The following PIBF1 variants were observed in gnomAD, a reference collection of about 807,000 sequenced individuals.
The protein encoded by PIBF1 is progesterone-induced-blocking factor 1.
PIBF1 carries 90 observed loss-of-function variants against 112.5 expected under a neutral mutation model. The ratio of observed to expected loss-of-function variants is 0.80; its 90% CI spans 0.67 to 0.95. The LOEUF (loss-of-function observed/expected upper bound fraction) is 0.95. Ranked by LOEUF, PIBF1 falls within the 40% of genes least tolerant of loss-of-function variation. PIBF1 has a pLI of 0.00. For missense variants in PIBF1, 915 were observed against 852.3 expected, an observed-to-expected ratio of 1.07 and a Z score of -0.92; for synonymous variants, 301 against 288.6, an observed-to-expected ratio of 1.04 and a Z score of -0.44.
intron 14 of PIBF1, among the ~76,000 whole-genome samples, chr13:72,949,548 C>G (rs1229419629): frequency 3.3e-5 from 5 of 152,080 alleles, no homozygotes; most frequent in Non-Finnish European, 5.9e-5. Flanking sequence ...AACTCCTGAC[C>G]TCAGGTGATC....
chr13:73,000,318 T>A (rs897972450), intron 17 of PIBF1, among the ~76,000 whole-genome samples: 11 of 152,216 alleles, frequency 7.2e-5, no homozygotes, highest in Admixed American at 2.0e-4. Flanking sequence ...TCTACTCTCT[T>A]ATAATGTAGT....
At chr13:72,842,715 A>G (rs894039801) in intron 9 of PIBF1, among the ~76,000 whole-genome samples, 1 of 152,224 alleles carries the variant, frequency 6.6e-6, no homozygotes, top group African/African-American at 2.4e-5. Flanking sequence ...TCTTTTGTTC[A>G]TATCTTACCA....
chr13:73,006,684 G>A (rs897795820), intron 17 of PIBF1, among the ~76,000 whole-genome samples: 7 of 151,968 alleles, frequency 4.6e-5, no homozygotes, highest in African/African-American at 1.5e-4. Flanking sequence ...GGAGTAATCT[G>A]CCAGGCTTAC....
chr13:72,976,574 T>C (rs531738620), intron 16 of PIBF1, among the ~76,000 whole-genome samples: 3 of 152,350 alleles, frequency 2.0e-5, no homozygotes, highest in Admixed American at 1.3e-4. Flanking sequence ...AAAAGCAACT[T>C]TTTTTGTTTT....
At chr13:72,933,279 A>C (rs1380140975) in intron 14 of PIBF1, among the ~76,000 whole-genome samples, 1 of 152,194 alleles carries the variant, frequency 6.6e-6, no homozygotes, top group Non-Finnish European at 1.5e-5. Context: ...GCTCATGCCT[A>C]TTATCCCAGC....
chr13:72,866,024 G>C (rs1459011016), intron 10 of PIBF1, among the ~76,000 whole-genome samples: 1 of 152,180 alleles, frequency 6.6e-6, no homozygotes, highest in East Asian at 1.9e-4. Context: ...TAAGGCTCTA[G>C]GGGTAATCCT....
At chr13:73,005,673 C>T (rs2044011621) in intron 17 of PIBF1, among the ~76,000 whole-genome samples, 1 of 152,010 alleles carries the variant, frequency 6.6e-6, no homozygotes, top group African/African-American at 2.4e-5. Context: ...TGTGTTTAGA[C>T]AAGTGACAAG....
At chr13:73,005,907 G>A (rs1292176327) in intron 17 of PIBF1, among the ~76,000 whole-genome samples, 1 of 146,638 alleles carries the variant, frequency 6.8e-6, no homozygotes, top group African/African-American at 2.5e-5. Flanking sequence ...GTGTTTAGAA[G>A]TTCTGGTTTC....
At chr13:72,897,054 A>G (rs1370133502) in intron 11 of PIBF1, among the ~76,000 whole-genome samples, 2 of 152,208 alleles carry the variant, frequency 1.3e-5, no homozygotes, top group African/African-American at 4.8e-5. Context: ...AGACAGAAGC[A>G]CCAGGTTTTC....
chr13:72,844,758 C>CACGGATGAAGTCTTACTGTTT (rs1259904141), intron 9 of PIBF1, among the ~76,000 whole-genome samples: 41 of 125,788 alleles, frequency 3.3e-4, no homozygotes, highest in South Asian at 1.1e-3. Flanking sequence ...CACACACACA[C>CACGGATGAAGTCTTACTGTTT]ACACACACAC....
At chr13:72,933,861 C>T (rs2041785183) in intron 14 of PIBF1, among the ~76,000 whole-genome samples, 1 of 152,082 alleles carries the variant, frequency 6.6e-6, no homozygotes, top group South Asian at 2.1e-4. Flanking sequence ...GGTATGGTGC[C>T]TGGAATTTGC....
At chr13:72,904,429 A>ATTTTTTTTTTTTTTTTTTTTTTTTTT (rs1240090172) in intron 11 of PIBF1, among the ~76,000 whole-genome samples, 2 of 51,086 alleles carry the variant, frequency 3.9e-5, no homozygotes, top group African/African-American at 8.6e-5. Context: ...ATATCAAAAT[A>ATTTTTTTTTTTTTTTTTTTTTTTTTT]TTTCTTTTTT....
rs916339100 is a variant in PIBF1, at chr13:72,869,508, G to A, written c.1322+15353G>A. Among the ~76,000 whole-genome samples the A allele has an allele frequency of 1.2e-4, 18 of 151,026 alleles. No individual in the cohort carries two copies. The East Asian group carries it at 1.6e-3, about 13-fold the overall frequency. ...GAAGGGATAGCATTAGGAGATATAC[G>A]TAATGCTAAATGACGAGTTAATGGG... On this transcript the variant is annotated intron_variant, in intron 10 of 17. Transcript: ENST00000326291.
At chr13:72,854,306 A>G (rs1594057138) in intron 10 of PIBF1, 151 bp downstream of exon 10, 3 of 596,742 alleles carry the variant, frequency 5.0e-6, no homozygotes, top group East Asian at 5.7e-5. Context: ...TTCAATTTTC[A>G]TTTCATTTCA....
chr13:72,939,270 G>A (rs1390377767), intron 14 of PIBF1, among the ~76,000 whole-genome samples: 1 of 152,124 alleles, frequency 6.6e-6, no homozygotes, highest in Admixed American at 6.6e-5. Flanking sequence ...CCATTTTAAA[G>A]TAAACCGTTT....
At chr13:72,844,732 C>T (rs2037759889) in intron 9 of PIBF1, among the ~76,000 whole-genome samples, 1 of 29,126 alleles carries the variant, frequency 3.4e-5, no homozygotes, top group Non-Finnish European at 7.1e-5. Context: ...TTTATTTACA[C>T]ACACACACAC....
At chr13:72,886,016 A>T (rs2039835710) in intron 10 of PIBF1, among the ~76,000 whole-genome samples, 1 of 152,134 alleles carries the variant, frequency 6.6e-6, no homozygotes, top group African/African-American at 2.4e-5. Context: ...AAGCAGATCT[A>T]AATAAATGAC....
At chr13:72,840,786 A>G (rs1324937776) in intron 9 of PIBF1, among the ~76,000 whole-genome samples, 1 of 152,140 alleles carries the variant, frequency 6.6e-6, no homozygotes, top group Non-Finnish European at 1.5e-5. Context: ...TCGGCCTCCC[A>G]AAGTGCTGGG....
At chr13:72,838,725 A>G (rs949365589) in intron 9 of PIBF1, among the ~76,000 whole-genome samples, 3 of 152,186 alleles carry the variant, frequency 2.0e-5, no homozygotes, top group South Asian at 2.1e-4. Flanking sequence ...TAGGTTTTCT[A>G]TCTTGTCTGC....
Sources: gnomAD v4.1 joint callset for allele counts (sites outside exome capture counted in the v4.1 genomes callset) on GRCh38, gnomAD v4.1.1 for gene constraint, MANE v1.5 for transcripts, NCBI Gene and HGNC (gene_info 2026-07-23, HGNC 2026-07-21) for gene names.